Variants in STYK1 observed in about 807,000 individuals in gnomAD.
STYK1 encodes tyrosine-protein kinase STYK1.
Under a neutral mutation model 48.1 loss-of-function variants are expected in STYK1, and 46 were observed. That is an observed-to-expected ratio of 0.96 (90% confidence interval 0.75 to 1.22). The LOEUF is 1.22. Ranked by LOEUF, STYK1 falls within the 50% of genes most tolerant of loss-of-function variation. The pLI is 0.00. For missense variants in STYK1, 527 were observed against 521.1 expected (o/e 1.01, Z -0.11); for synonymous variants, 188 against 189.0 (o/e 0.99, Z 0.04).
chr12:10,637,038 CACTA>C (rs1458389898), intron 2 of STYK1, 29 bp downstream of exon 2: 2 of 152,366 alleles, frequency 1.3e-5, no homozygotes, highest in South Asian at 2.1e-4. Flanking sequence ...TATATCCTTA[CACTA>C]ACTATCACAC....
At chr12:10,629,002 C>G (rs1201192222) in intron 6 of STYK1, among the ~76,000 whole-genome samples, 2 of 151,934 alleles carry the variant, frequency 1.3e-5, no homozygotes, top group African/African-American at 4.8e-5. Context: ...TACTCTGTAC[C>G]AACCATGGCC....
intron 1 of STYK1, among the ~76,000 whole-genome samples, chr12:10,660,157 G>T (rs936673504): frequency 6.6e-6 from 1 of 152,128 alleles, no homozygotes; most frequent in African/African-American, 2.4e-5. Flanking sequence ...TGCTTATTTT[G>T]CTCTACTCTT....
chr12:10,636,441 T>C (rs1947486525), intron 2 of STYK1, among the ~76,000 whole-genome samples: 1 of 152,180 alleles, frequency 6.6e-6, no homozygotes, highest in African/African-American at 2.4e-5. Context: ...TGATGAATAG[T>C]TAGATAGCAA....
chr12:10,629,122 T>A (rs867759106), intron 6 of STYK1, among the ~76,000 whole-genome samples: 2 of 152,172 alleles, frequency 1.3e-5, no homozygotes, highest in South Asian at 4.1e-4. Flanking sequence ...GTCACATAAC[T>A]AGTAGGAGGT....
chr12:10,662,423 T>G (rs1175244865), intron 1 of STYK1, among the ~76,000 whole-genome samples: 1 of 152,258 alleles, frequency 6.6e-6, no homozygotes, highest in Non-Finnish European at 1.5e-5. Context: ...GTTTAAATTT[T>G]GAGGAACTGA....
chr12:10,650,263 G>A (rs1947648584), intron 1 of STYK1, among the ~76,000 whole-genome samples: 1 of 151,824 alleles, frequency 6.6e-6, no homozygotes, highest in African/African-American at 2.4e-5. Context: ...CCATCCAACT[G>A]TAGTAAAGGA....
At chr12:10,673,304 G>C (rs1288797862) in intron 1 of STYK1, among the ~76,000 whole-genome samples, 1 of 152,088 alleles carries the variant, frequency 6.6e-6, no homozygotes, top group African/African-American at 2.4e-5. Context: ...TTGAACCTGG[G>C]AGGCGGAGGT....
chr12:10,628,302 T>C (rs949041848), intron 6 of STYK1, among the ~76,000 whole-genome samples: 7 of 151,844 alleles, frequency 4.6e-5, no homozygotes, highest in South Asian at 2.1e-4. Flanking sequence ...CAGAAGAGAG[T>C]TGATTGAGTT....
chr12:10,648,959 T>C (rs967983022), intron 1 of STYK1, among the ~76,000 whole-genome samples: 1 of 152,216 alleles, frequency 6.6e-6, no homozygotes, highest in Non-Finnish European at 1.5e-5. Context: ...AATGTCTACA[T>C]TTATGAAAAA....
intron 1 of STYK1, chr12:10,673,765 C>G (rs1212620695): frequency 6.6e-6 from 1 of 152,272 alleles, no homozygotes; most frequent in Non-Finnish European, 1.5e-5. Flanking sequence ...CCAAACCCCA[C>G]AAGATGCTGG....
intron 1 of STYK1, among the ~76,000 whole-genome samples, chr12:10,639,473 G>A (rs1947520905): frequency 6.6e-6 from 1 of 151,704 alleles, no homozygotes; most frequent in African/African-American, 2.4e-5. Context: ...GGAGTGCAAT[G>A]GCGTGATCTC....
chr12:10,657,192 C>T (rs1947728528), intron 1 of STYK1, among the ~76,000 whole-genome samples: 1 of 152,156 alleles, frequency 6.6e-6, no homozygotes, highest in African/African-American at 2.4e-5. Context: ...ATCTGTTTTG[C>T]CTTCCAGCTG....
chr12:10,630,985 C>A, intron 5 of STYK1, 60 bp downstream of exon 5: 1 of 1,586,732 alleles, frequency 6.3e-7, no homozygotes, highest in South Asian at 1.1e-5. Context: ...TCTCAATGTT[C>A]GCAAAGCCTG....
intron 1 of STYK1, among the ~76,000 whole-genome samples, chr12:10,641,341 C>T (rs1347434584): frequency 6.6e-6 from 1 of 152,232 alleles, no homozygotes; most frequent in East Asian, 1.9e-4. Flanking sequence ...GATCAGTCCT[C>T]TTCTTTGGTA....
At chr12:10,623,067 T>C (rs987603688) in intron 8 of STYK1, among the ~76,000 whole-genome samples, 1 of 152,226 alleles carries the variant, frequency 6.6e-6, no homozygotes, top group Non-Finnish European at 1.5e-5. Context: ...CTTGCCTTTA[T>C]TCTTAGCACA....
intron 7 of STYK1, among the ~76,000 whole-genome samples, 167 bp from the exon 8 acceptor site, chr12:10,625,026 A>G (rs1947340337): frequency 6.6e-6 from 1 of 152,178 alleles, no homozygotes; most frequent in African/African-American, 2.4e-5. Context: ...TGAACTGCAC[A>G]TTTCTGCATT....
intron 1 of STYK1, among the ~76,000 whole-genome samples, chr12:10,654,626 AAGAC>A (rs528618246): frequency 1.6e-4 from 25 of 152,294 alleles, no homozygotes; most frequent in African/African-American, 5.3e-4. Context: ...AGTCTCTCCT[AAGAC>A]AGAGAGGGTT....
At chr12:10,623,098 T>C (rs1333792636) in intron 8 of STYK1, among the ~76,000 whole-genome samples, 1 of 152,200 alleles carries the variant, frequency 6.6e-6, no homozygotes, top group Non-Finnish European at 1.5e-5. Flanking sequence ...AGTTTTATCA[T>C]TTAGTCACTA....
At position 10,620,015 on chromosome 12, in the gene STYK1, G is replaced by T; in HGVS notation, c.*129C>A. ...TCATTTCAGATTTCCCGAGAAATGT[G>T]TAAAGGAAGATCAAGAATCCATGTC... On this transcript the variant is annotated 3_prime_UTR_variant, in exon 11 of 11. Coordinates refer to ENST00000075503, the MANE Select transcript of STYK1 (RefSeq NM_018423.3). 1 of 1,049,200 alleles carries T rather than the reference G, an allele frequency of 9.5e-7. No homozygotes were observed. The highest frequency in any genetic ancestry group is 1.4e-6 in the Non-Finnish European group (1 of 699,868). The allele number at this position is 1,049,200 out of a possible 1,614,324, so 65.0% of individuals were successfully genotyped here. A position where few individuals can be genotyped will look rare whatever the true frequency, so the allele number is the denominator to read the frequency against.
Sources: allele counts gnomAD v4.1 joint callset (sites outside exome capture counted in the v4.1 genomes callset), GRCh38; gene constraint gnomAD v4.1.1; transcripts MANE v1.5; gene names NCBI Gene and HGNC (gene_info 2026-07-23, HGNC 2026-07-21).